Variants in CLIP1 observed in about 807,000 individuals in gnomAD.
The protein encoded by CLIP1 is CAP-Gly domain-containing linker protein 1.
Under a neutral mutation model 161.6 loss-of-function variants are expected in CLIP1, and 66 were observed. That is an observed-to-expected ratio of 0.41 (90% CI 0.33 to 0.50). The LOEUF (loss-of-function observed/expected upper bound fraction) is 0.50, where lower values mean the gene tolerates loss of function less well. Among genes scored for constraint, CLIP1 ranks in the 20% least tolerant of loss-of-function variants. CLIP1 has a pLI of 0.27. For synonymous variants in CLIP1, 598 were observed against 626.2 expected (o/e 0.96, Z 0.67); for missense variants, 1,376 against 1,702.0 (o/e 0.81, Z 3.37).
At chr12:122,374,534 C>A (rs1283058621) in intron 3 of CLIP1, among the ~76,000 whole-genome samples, 3 of 151,172 alleles carry the variant, frequency 2.0e-5, no homozygotes, top group Non-Finnish European at 4.4e-5. Context: ...GAGGCCGAGT[C>A]GGGTGGATCA....
At chr12:122,295,278 G>A (rs965347404) in intron 20 of CLIP1, among the ~76,000 whole-genome samples, 1 of 151,546 alleles carries the variant, frequency 6.6e-6, no homozygotes, top group Non-Finnish European at 1.5e-5. Flanking sequence ...GCTGAGGCAG[G>A]AGAATCGCTT....
chr12:122,370,291 G>A (rs2136689190), intron 3 of CLIP1, among the ~76,000 whole-genome samples: 1 of 152,244 alleles, frequency 6.6e-6, no homozygotes, highest in African/African-American at 2.4e-5. Context: ...GAGAACAAGG[G>A]GCACTGCAAG....
intron 1 of CLIP1, chr12:122,399,745 A>G (rs892136013): frequency 6.6e-6 from 1 of 152,114 alleles, no homozygotes; most frequent in Non-Finnish European, 1.5e-5. Context: ...TCAAGACCCA[A>G]AGGAAATTCA....
chr12:122,288,696 G>A (rs1474955388), intron 20 of CLIP1, among the ~76,000 whole-genome samples, 155 bp from the exon 21 acceptor site: 1 of 151,972 alleles, frequency 6.6e-6, no homozygotes, highest in Non-Finnish European at 1.5e-5. Flanking sequence ...TCTATCACAG[G>A]ATGTGTAGTT....
rs553022152 is a variant in CLIP1 at position 122,321,394 on chromosome 12, C to T, written c.3250-2046G>A. ...CTGAGTAGCTGGGATTATAAGCGCA[C>T]GCCACCACGCCTGGCGAATTTTTGT... On this transcript the variant is annotated intron_variant, in intron 17 of 25. Coordinates refer to ENST00000620786, the MANE Select transcript of CLIP1 (RefSeq NM_001247997.2). Among the ~76,000 whole-genome samples the T allele has an allele frequency of 6.3e-4, 95 of 151,650 alleles. No individual in the cohort carries two copies. In the South Asian group the frequency reaches 0.017, roughly 28 times the overall value.
In CLIP1 at chr12:122,319,240, G is replaced by A; in HGVS notation, c.3358C>T (p.Gln1120Ter). The change falls in exon 18 of 26, where the codon CAG (glutamine) becomes TAG (stop). Residue 1120 changes from glutamine to a stop codon, truncating the protein, a stop_gained. Transcript: ENST00000620786. LOFTEE classifies it high-confidence loss of function. The part of the protein sequence containing the change: ...EDTKQTNAKL[Q>*]NELDTLKENN... The stretch of plus-strand genomic sequence containing the variant: ...TATTTAAATCTGATTACTTCATTCT[G>A]TAGTTTTGCATTTGTTTGCTTGGTG... 6.2e-7 allele frequency: 1 copy of A among 1,601,282 alleles called. No homozygotes were observed. Among genetic ancestry groups the A allele is most frequent in the East Asian group, 2.2e-5 (1 of 44,830 alleles).
chr12:122,319,425 T>A, intron 17 of CLIP1, 77 bp from the exon 18 acceptor site: 1 of 1,066,398 alleles, frequency 9.4e-7, no homozygotes, highest in Non-Finnish European at 1.5e-6. Flanking sequence ...GCTGTGCTGT[T>A]CAGGCAGCAC....
intron 15 of CLIP1, among the ~76,000 whole-genome samples, chr12:122,328,833 G>A (rs531251724): frequency 2.4e-4 from 37 of 152,186 alleles, no homozygotes; most frequent in African/African-American, 7.2e-4. Flanking sequence ...CGCCTGCCTC[G>A]GCCTCCCAAA....
At position 122,273,979 on chromosome 12, in the gene CLIP1, C is replaced by A. The variant is rs375667966; in HGVS notation, c.4091+59G>T. 2.5e-5 allele frequency: 38 copies of A among 1,535,680 alleles called. 1 individual carries two copies. The South Asian group carries it at 4.2e-4, about 17-fold the overall frequency. On this transcript the variant is annotated intron_variant, in intron 25 of 25. Coordinates refer to ENST00000620786, the MANE Select transcript of CLIP1 (RefSeq NM_001247997.2). ...ACTCCTGACCCTCAAGTGGTCCGCC[C>A]GCCTCGGCCTCCCAAAGTGCTGGGA...
At chr12:122,333,252 T>C in intron 14 of CLIP1, 109 bp from the exon 15 acceptor site, 1 of 778,362 alleles carries the variant, frequency 1.3e-6, no homozygotes, top group African/African-American at 1.7e-5. Context: ...CTTGTCCTCA[T>C]AAAAATCACA....
At chr12:122,379,833 A>T (rs1035152502) in intron 2 of CLIP1, among the ~76,000 whole-genome samples, 1 of 151,258 alleles carries the variant, frequency 6.6e-6, no homozygotes, top group African/African-American at 2.4e-5. Context: ...AATCCCAGCT[A>T]CTGGGGAGGC....
In CLIP1 at chr12:122,402,670, G is replaced by A. The variant is rs542231423; in HGVS notation, c.-107+19851C>T. On this transcript the variant is annotated intron_variant, in intron 1 of 25. Coordinates refer to ENST00000620786, the MANE Select transcript of CLIP1 (RefSeq NM_001247997.2). ...GGGCACCTATAATCCCACCTACTCC[G>A]GAGGCTGAGGCAGGAGAATTGCTTG... 8.5e-5 allele frequency among the ~76,000 whole-genome samples: 13 copies of A among 152,082 alleles called. No homozygotes were observed. In the South Asian group the frequency reaches 2.3e-3, roughly 27 times the overall value.
rs1198005156 is a variant in CLIP1, at chr12:122,272,735, G to C, written c.*140C>G. ...GGAGACTAAAGGGCAATTTGTTGAA[G>C]ATCAAAATATTTTCCTAGATTTGTT... On this transcript the variant is annotated 3_prime_UTR_variant, in exon 26 of 26. Coordinates refer to ENST00000620786, the MANE Select transcript of CLIP1 (RefSeq NM_001247997.2). 2 of 709,180 alleles carry C rather than the reference G, an allele frequency of 2.8e-6. No homozygotes were observed. The highest frequency in any genetic ancestry group is 1.8e-5 in the African/African-American group (1 of 56,122). The allele number at this position is 709,180 out of a possible 1,614,324, so 43.9% of individuals were successfully genotyped here. A position where few individuals can be genotyped will look rare whatever the true frequency, so the allele number is the denominator to read the frequency against.
intron 1 of CLIP1, among the ~76,000 whole-genome samples, chr12:122,384,633 C>A (rs1055488839): frequency 2.0e-5 from 3 of 151,824 alleles, no homozygotes; most frequent in Admixed American, 1.3e-4. Flanking sequence ...TGGTGGCGGG[C>A]GCTTGTAATC....
At chr12:122,324,482 C>T (rs1319845205) in intron 17 of CLIP1, 1 of 152,160 alleles carries the variant, frequency 6.6e-6, no homozygotes, top group Non-Finnish European at 1.5e-5. Context: ...AAAAACTTTA[C>T]AATTTCTACA....
chr12:122,388,121 A>G (rs935199013), intron 1 of CLIP1, among the ~76,000 whole-genome samples: 2 of 152,216 alleles, frequency 1.3e-5, no homozygotes, highest in African/African-American at 4.8e-5. Context: ...CTGGTTCTAC[A>G]GCAGAGGTTC....
At chr12:122,352,958 A>C (rs1953119236) in intron 7 of CLIP1, among the ~76,000 whole-genome samples, 172 bp from the exon 8 acceptor site, 1 of 151,710 alleles carries the variant, frequency 6.6e-6, no homozygotes, top group African/African-American at 2.4e-5. Flanking sequence ...GTTTGAGACC[A>C]GCTGGGGCAA....
chr12:122,349,381 T>C (rs1053324842), intron 9 of CLIP1, among the ~76,000 whole-genome samples: 2 of 152,236 alleles, frequency 1.3e-5, no homozygotes, highest in Admixed American at 1.3e-4. Flanking sequence ...GATGGGTCTA[T>C]ATACACATTA....
At chr12:122,327,300 A>G (rs1951746514) in intron 17 of CLIP1, among the ~76,000 whole-genome samples, 1 of 152,154 alleles carries the variant, frequency 6.6e-6, no homozygotes, top group Non-Finnish European at 1.5e-5. Flanking sequence ...AAGAAAAAAT[A>G]TATATTGGGC....
Sources: allele counts gnomAD v4.1 joint callset (sites outside exome capture counted in the v4.1 genomes callset), GRCh38; gene constraint gnomAD v4.1.1; transcripts MANE v1.5; gene names NCBI Gene and HGNC (gene_info 2026-07-23, HGNC 2026-07-21).